Variants in GBF1 observed in about 807,000 individuals in gnomAD.
GBF1 encodes golgi brefeldin A resistant guanine nucleotide exchange factor 1.
GBF1 carries 114 observed loss-of-function variants against 210.5 expected under a neutral mutation model. The observed-to-expected ratio is 0.54, with a 90% CI of 0.47 to 0.63. The LOEUF (loss-of-function observed/expected upper bound fraction) is 0.63. GBF1 is among the 30% of genes least tolerant of loss of function. GBF1 has a pLI of 0.00. For missense variants in GBF1, 1,851 were observed against 2,357.7 expected (o/e 0.79, Z 4.45); for synonymous variants, 850 against 889.2 (o/e 0.96, Z 0.78).
intron 3 of GBF1, among the ~76,000 whole-genome samples, chr10:102,325,882 T>C (rs1019157020): frequency 6.6e-6 from 1 of 152,170 alleles, no homozygotes; most frequent in African/African-American, 2.4e-5. Flanking sequence ...ACTCCTGACC[T>C]CAAGTGATCC....
chr10:102,376,315 C>T lies in GBF1; in HGVS notation c.3930C>T (p.Asp1310=), dbSNP rs143846279. ...AGCTCCCATCCTACCATCAGAATGA[C>T]GTGAGCCTGGATCGAGGGTACACTT... The part of the protein sequence containing the change: ...DSELPSYHQN[D]VSLDRGYTSD... The change falls in exon 31 of 40, where the codon GAC becomes GAT. Residue 1310 remains aspartate, a synonymous_variant. Transcript: ENST00000369983. The T allele has an allele frequency of 7.9e-5, 127 of 1,613,804 alleles. No individual in the cohort carries two copies. The highest frequency in any genetic ancestry group is 9.1e-5 in the Non-Finnish European group (107 of 1,179,834).
chr10:102,344,217 C>T, intron 4 of GBF1, 35 bp downstream of exon 4: 1 of 1,608,790 alleles, frequency 6.2e-7, no homozygotes, highest in Non-Finnish European at 8.5e-7. Context: ...GACCACAGCA[C>T]TTCATTTCCC....
intron 3 of GBF1, among the ~76,000 whole-genome samples, chr10:102,298,088 C>A (rs2077052814): frequency 6.6e-6 from 1 of 152,100 alleles, no homozygotes; most frequent in Non-Finnish European, 1.5e-5. Context: ...GCGCCCACCA[C>A]CACGCCCAGC....
chr10:102,370,376 C>G lies in GBF1; in HGVS notation c.3412-8C>G. The G allele has an allele frequency of 6.3e-7, 1 of 1,597,916 alleles. No homozygotes were observed. On this transcript the variant is annotated splice_region_variant and splice_polypyrimidine_tract_variant and intron_variant, in intron 27 of 39. Coordinates refer to ENST00000369983, the MANE Select transcript of GBF1 (RefSeq NM_001377137.1). ...CATGCCTACTTTCCTGCTGCTGTTC[C>G]CCTTCAGGCTCTGGTCTCAGTGACA...
At chr10:102,233,084 T>G in the GBF1 span, among the ~76,000 whole-genome samples, 1 of 152,212 alleles carries the variant, frequency 6.6e-6, no homozygotes, top group South Asian at 2.1e-4. Context: ...TGCTTTTTCT[T>G]TGTTTGCTTT....
chr10:102,296,086 A>T (rs1427695642), intron 3 of GBF1, among the ~76,000 whole-genome samples: 3 of 152,182 alleles, frequency 2.0e-5, no homozygotes, highest in African/African-American at 7.2e-5. Flanking sequence ...GACCAGCCCA[A>T]ATTTGTAAGC....
In GBF1 at chr10:102,368,294, C is replaced by G. The variant is rs2060016849; in HGVS notation, c.2719C>G (p.Arg907Gly). The change falls in exon 22 of 40, where the codon CGA becomes GGA. Residue 907 changes from arginine to glycine, a missense_variant. This residue lies in a region of GBF1 where 967 missense variants were observed against 1,247.7 expected (regional missense o/e 0.78). Coordinates refer to ENST00000369983, the MANE Select transcript of GBF1 (RefSeq NM_001377137.1). The stretch of plus-strand genomic sequence containing the variant: ...CTATGTGTGGAATGTGCTGCTTCAT[C>G]GAGGTGCCACCCCTGAGGGCATATT... The part of the protein sequence containing the change: ...ENYVWNVLLH[R>G]GATPEGIFLR... 1 of 1,613,964 alleles carries G rather than the reference C, an allele frequency of 6.2e-7. No homozygotes were observed. Among genetic ancestry groups the G allele is most frequent in the Non-Finnish European group, 8.5e-7 (1 of 1,179,814 alleles).
At chr10:102,274,972 A>G (rs1294311857) in intron 3 of GBF1, among the ~76,000 whole-genome samples, 1 of 151,004 alleles carries the variant, frequency 6.6e-6, no homozygotes, top group Non-Finnish European at 1.5e-5. Flanking sequence ...TTGGCCTCCC[A>G]AAGTGCTGGG....
intron 3 of GBF1, among the ~76,000 whole-genome samples, chr10:102,326,596 AT>A (rs2056922856): frequency 6.6e-6 from 1 of 152,168 alleles, no homozygotes; most frequent in Non-Finnish European, 1.5e-5. Context: ...AGTTTTGATA[AT>A]TGTATAAACC....
At chr10:102,365,640 G>A (rs2059873224) in intron 18 of GBF1, 41 bp downstream of exon 18, 2 of 1,522,360 alleles carry the variant, frequency 1.3e-6, no homozygotes, top group African/African-American at 1.4e-5. Flanking sequence ...GCCAGGTATG[G>A]TGGCTCATGC....
chr10:102,247,500 G>T (rs981041389), intron 1 of GBF1, among the ~76,000 whole-genome samples: 1 of 152,030 alleles, frequency 6.6e-6, no homozygotes, highest in Admixed American at 6.6e-5. Context: ...TGCTCACTTG[G>T]GCCATTGCCC....
chr10:102,373,436 C>T (rs1203587957), intron 29 of GBF1, among the ~76,000 whole-genome samples: 1 of 152,246 alleles, frequency 6.6e-6, no homozygotes, highest in South Asian at 2.1e-4. Context: ...ATTAGCTGGG[C>T]GTGGTCACAC....
rs375100832 is a variant in GBF1, at chr10:102,331,268, C to G, written c.164-12783C>G. Among the ~76,000 whole-genome samples the G allele has an allele frequency of 7.4e-4, 113 of 152,204 alleles. 1 individual carries two copies. The highest frequency in any genetic ancestry group is 2.6e-3 in the African/African-American group (108 of 41,524). On this transcript the variant is annotated intron_variant, in intron 3 of 39. Coordinates refer to ENST00000369983, the MANE Select transcript of GBF1 (RefSeq NM_001377137.1). ...TCTTGAACCTTTTTGCACCAGGTATCTAGGGAGGAGGAGTTCTTACATAAT... is the reference window on the plus strand; with the variant it reads ...TCTTGAACCTTTTTGCACCAGGTATGTAGGGAGGAGGAGTTCTTACATAAT...
intron 4 of GBF1, 32 bp from the exon 5 acceptor site, chr10:102,351,224 A>G (rs2058952481): frequency 8.5e-7 from 1 of 1,181,934 alleles, no homozygotes; most frequent in South Asian, 1.2e-5. Context: ...TCCTCTCCAC[A>G]TCACTTAATC....
intron 3 of GBF1, among the ~76,000 whole-genome samples, chr10:102,305,904 A>G (rs1317562891): frequency 6.6e-6 from 1 of 152,186 alleles, no homozygotes; most frequent in Admixed American, 6.5e-5. Flanking sequence ...GGTGAAGGGT[A>G]AAAGGAGAGC....
intron 3 of GBF1, among the ~76,000 whole-genome samples, chr10:102,339,917 G>A (rs969006540): frequency 4.7e-5 from 7 of 150,472 alleles, no homozygotes; most frequent in East Asian, 2.0e-4. Flanking sequence ...CTCCTGAGTC[G>A]CTGGGACTAC....
intron 3 of GBF1, among the ~76,000 whole-genome samples, chr10:102,278,174 C>A (rs554676160): frequency 5.9e-5 from 9 of 152,178 alleles, no homozygotes; most frequent in African/African-American, 2.2e-4. Flanking sequence ...GGGAGGACTG[C>A]TTGAGCCCAG....
chr10:102,347,509 GCAGA>G (rs1768389883), intron 4 of GBF1, among the ~76,000 whole-genome samples: 1 of 152,150 alleles, frequency 6.6e-6, no homozygotes, highest in South Asian at 2.1e-4. Flanking sequence ...CCTGGACTTG[GCAGA>G]CAGGCTGGTC....
chr10:102,331,775 G>C (rs1297381707), intron 3 of GBF1, among the ~76,000 whole-genome samples: 1 of 151,648 alleles, frequency 6.6e-6, no homozygotes, highest in Non-Finnish European at 1.5e-5. Flanking sequence ...TGACATCCCT[G>C]GGCTCAAGTG....
Sources: gnomAD v4.1 joint callset for allele counts (sites outside exome capture counted in the v4.1 genomes callset) on GRCh38, gnomAD v4.1.1 for gene constraint, gnomAD v4.1.1 regional missense constraint, MANE v1.5 for transcripts, NCBI Gene and HGNC (gene_info 2026-07-23, HGNC 2026-07-21) for gene names.